SLC25A26: variants seen among roughly 807,000 people sequenced by gnomAD.
SLC25A26 encodes solute carrier family 25 member 26.
SLC25A26 carries 36 observed loss-of-function variants against 37.8 expected under a neutral mutation model. The observed-to-expected ratio is 0.95, with a 90% CI of 0.73 to 1.26. The LOEUF is 1.26. Among genes scored for constraint, SLC25A26 ranks in the 50% most tolerant of loss-of-function variants. SLC25A26 has a pLI of 0.00. For synonymous variants in SLC25A26, 129 were observed against 122.5 expected, an observed-to-expected ratio of 1.05 and a Z score of -0.35; for missense variants, 390 against 331.1, an observed-to-expected ratio of 1.18 and a Z score of -1.38.
At chr3:66,340,461 G>A (rs186231812) in intron 5 of SLC25A26, among the ~76,000 whole-genome samples, 28 of 151,976 alleles carry the variant, frequency 1.8e-4, no homozygotes, top group African/African-American at 6.5e-4. Flanking sequence ...TGGTTATTGC[G>A]TCTTGTGGTC....
At chr3:66,173,946 G>T (rs1373366377) in intron 1 of SLC25A26, among the ~76,000 whole-genome samples, 2 of 152,080 alleles carry the variant, frequency 1.3e-5, no homozygotes, top group African/African-American at 4.8e-5. Flanking sequence ...CCAGCTACTT[G>T]GGAGGCTGAG....
intron 5 of SLC25A26, among the ~76,000 whole-genome samples, chr3:66,343,836 A>G (rs1160942599): frequency 2.0e-5 from 3 of 152,348 alleles, no homozygotes; most frequent in Admixed American, 6.5e-5. Context: ...TTAGAAACCT[A>G]TTACACAGTC....
intron 1 of SLC25A26, among the ~76,000 whole-genome samples, chr3:66,202,776 C>A (rs1040773768): frequency 6.6e-6 from 1 of 152,114 alleles, no homozygotes; most frequent in Non-Finnish European, 1.5e-5. Flanking sequence ...AGAAGGAATT[C>A]TGCTAAGTTA....
chr3:66,334,875 G>C (rs571642096), intron 5 of SLC25A26, among the ~76,000 whole-genome samples: 4 of 151,808 alleles, frequency 2.6e-5, no homozygotes, highest in African/African-American at 9.7e-5. Context: ...AAAGCTAACT[G>C]ATAAAATCTG....
intron 3 of SLC25A26, among the ~76,000 whole-genome samples, chr3:66,257,579 T>C (rs945237465): frequency 6.6e-6 from 1 of 152,174 alleles, no homozygotes. Flanking sequence ...AGTCATGGGC[T>C]CGGGCCTCTG....
chr3:66,185,342 A>G (rs1459098422), intron 1 of SLC25A26, among the ~76,000 whole-genome samples: 1 of 152,198 alleles, frequency 6.6e-6, no homozygotes, highest in Non-Finnish European at 1.5e-5. Flanking sequence ...TTATTTATCC[A>G]TTCATCTGTC....
Position 66,240,747 on chromosome 3 carries a change from C to CTTTTTT in SLC25A26, c.191-2445_191-2440dup, listed in dbSNP as rs782761312. On this transcript the variant is annotated intron_variant, in intron 2 of 9. Coordinates refer to ENST00000354883, the MANE Select transcript of SLC25A26 (RefSeq NM_001379210.1). ...CATGACAGGGCTAGCCTTTTCTTTT[C>CTTTTTT]TTTTTTTTTTTTTTTTGAGACAGAG... Among the ~76,000 whole-genome samples, 74 of 129,106 alleles carry CTTTTTT rather than the reference C, an allele frequency of 5.7e-4. 1 individual carries two copies. Among genetic ancestry groups the CTTTTTT allele is most frequent in the Admixed American group, 4.5e-3 (57 of 12,662 alleles). 84.7% of individuals were successfully genotyped at this position (129,106 alleles called of 152,430 possible).
chr3:66,226,273 C>T (rs571917621), intron 1 of SLC25A26, among the ~76,000 whole-genome samples: 40 of 152,202 alleles, frequency 2.6e-4, no homozygotes, highest in South Asian at 8.3e-4. Flanking sequence ...CAGATGAGAG[C>T]GTATGCAGGA....
At chr3:66,202,744 T>G (rs2071127572) in intron 1 of SLC25A26, among the ~76,000 whole-genome samples, 1 of 152,060 alleles carries the variant, frequency 6.6e-6, no homozygotes, top group African/African-American at 2.4e-5. Flanking sequence ...AAAAAACATT[T>G]TAAAATGAAA....
intron 5 of SLC25A26, among the ~76,000 whole-genome samples, chr3:66,275,317 T>G (rs938954622): frequency 2.6e-5 from 4 of 151,122 alleles, no homozygotes; most frequent in Admixed American, 6.6e-5. Context: ...GAGTTAATGG[T>G]TGCAGCACAC....
At chr3:66,353,731 G>A (rs2076512996) in intron 6 of SLC25A26, among the ~76,000 whole-genome samples, 1 of 152,166 alleles carries the variant, frequency 6.6e-6, no homozygotes, top group Non-Finnish European at 1.5e-5. Flanking sequence ...CTTGGGCAAG[G>A]ATTAAACTGT....
rs369519386 is a variant in SLC25A26 at position 66,247,789 on chromosome 3, T to C, written c.300+4477T>C. Among the ~76,000 whole-genome samples the C allele has an allele frequency of 3.9e-5, 6 of 152,338 alleles. No individual in the cohort carries two copies. In the East Asian group the frequency reaches 5.8e-4, roughly 15 times the overall value. On this transcript the variant is annotated intron_variant, in intron 3 of 9. Coordinates refer to ENST00000354883, the MANE Select transcript of SLC25A26 (RefSeq NM_001379210.1). ...AATGCTTATATACATATTACGCCTT[T>C]CTTTTTTTAGTAACCTGTTTTAGTC...
chr3:66,135,464 C>A (rs976864117), intron 1 of SLC25A26, among the ~76,000 whole-genome samples: 3 of 152,128 alleles, frequency 2.0e-5, no homozygotes, highest in Non-Finnish European at 4.4e-5. Context: ...TTAATGTGAA[C>A]AATTGTTAAT....
chr3:66,238,211 G>C (rs1265933428), intron 2 of SLC25A26, among the ~76,000 whole-genome samples: 1 of 152,250 alleles, frequency 6.6e-6, no homozygotes, highest in South Asian at 2.1e-4. Flanking sequence ...CAATTTGGCA[G>C]TTAGGGGTGT....
chr3:66,317,180 A>C (rs1338983887), intron 5 of SLC25A26, among the ~76,000 whole-genome samples: 1 of 152,156 alleles, frequency 6.6e-6, no homozygotes, highest in African/African-American at 2.4e-5. Context: ...GGAGGAGAAG[A>C]GGCCCTCTGA....
At chr3:66,271,975 C>A (rs1476529773) in intron 5 of SLC25A26, among the ~76,000 whole-genome samples, 1 of 152,026 alleles carries the variant, frequency 6.6e-6, no homozygotes, top group Non-Finnish European at 1.5e-5. Flanking sequence ...GAATTTACTT[C>A]TGATTTATTT....
chr3:66,374,041 T>C (rs1700496296), intron 9 of SLC25A26, among the ~76,000 whole-genome samples: 1 of 152,208 alleles, frequency 6.6e-6, no homozygotes, highest in African/African-American at 2.4e-5. Flanking sequence ...GCATAGCTAC[T>C]GTTGGCATAC....
At chr3:66,348,351 C>A (rs951542330) in intron 6 of SLC25A26, among the ~76,000 whole-genome samples, 18 of 152,042 alleles carry the variant, frequency 1.2e-4, no homozygotes, top group African/African-American at 3.6e-4. Flanking sequence ...TGTAAGACCT[C>A]AATGAATGTT....
intron 5 of SLC25A26, among the ~76,000 whole-genome samples, chr3:66,342,851 C>T (rs1210209240): frequency 6.6e-6 from 1 of 152,160 alleles, no homozygotes; most frequent in Non-Finnish European, 1.5e-5. Context: ...GCTGGGTTTA[C>T]TGCCGCTCAC....
Sources: gnomAD v4.1 joint callset for allele counts (sites outside exome capture counted in the v4.1 genomes callset) on GRCh38, gnomAD v4.1.1 for gene constraint, MANE v1.5 for transcripts, NCBI Gene and HGNC (gene_info 2026-07-23, HGNC 2026-07-21) for gene names.